Variants in AKT3 observed in about 807,000 individuals in gnomAD.
AKT3 encodes the protein RAC-gamma serine/threonine-protein kinase.
A neutral mutation model predicts 65.3 loss-of-function variants in AKT3; 15 were observed. The observed-to-expected ratio is 0.23, with a 90% CI of 0.15 to 0.35. AKT3 has a LOEUF of 0.35. AKT3 is among the 10% of genes least tolerant of loss of function. AKT3 has a pLI of 1.00. For missense variants in AKT3, 243 were observed against 576.5 expected (o/e 0.42, Z 5.92); for synonymous variants, 206 against 183.8 (o/e 1.12, Z -0.98).
chr1:243,697,993 G>A (rs75006019), intron 2 of AKT3, among the ~76,000 whole-genome samples: 1,901 of 151,934 alleles, frequency 0.013, 42 homozygotes, highest in African/African-American at 0.044. Context: ...AAAAAGTGAT[G>A]CTCTTCACTT....
At chr1:243,785,611 A>G (rs1292794085) in intron 2 of AKT3, among the ~76,000 whole-genome samples, 2 of 152,146 alleles carry the variant, frequency 1.3e-5, no homozygotes, top group Non-Finnish European at 2.9e-5. Context: ...AAACTTGCAA[A>G]AAGTCAATCT....
chr1:243,618,853 T>C (rs1678532371), intron 6 of AKT3, among the ~76,000 whole-genome samples: 5 of 151,180 alleles, frequency 3.3e-5, no homozygotes, highest in Admixed American at 2.7e-4. Flanking sequence ...ATTAGGTTAT[T>C]TGAGGGAATG....
Position 243,563,813 on chromosome 1 carries a change from T to A in AKT3, c.855A>T (p.Ile285=). The change falls in exon 10 of 14, where the codon ATA becomes ATT. Residue 285 remains isoleucine (I), a synonymous_variant. Transcript: ENST00000673466. ...ENLMLDKDGH[I]KITDFGLCKE... is the part of the protein sequence containing the mutation. ...TGCAAAGTCCAAAATCTGTAATTTT[T>A]ATGTGGCCATCTTTGTCCAGCATTA... The A allele has an allele frequency of 6.2e-7, 1 of 1,613,032 alleles. No homozygotes were observed. The highest frequency in any genetic ancestry group is 1.3e-5 in the African/African-American group (1 of 75,020).
At chr1:243,686,566 C>G (rs1394111557) in intron 3 of AKT3, among the ~76,000 whole-genome samples, 1 of 132,920 alleles carries the variant, frequency 7.5e-6, no homozygotes, top group Admixed American at 8.3e-5. Flanking sequence ...GCAAACATTA[C>G]TAAGTACCTT....
At chr1:243,734,999 T>C (rs1040577646) in intron 2 of AKT3, 2 of 152,186 alleles carry the variant, frequency 1.3e-5, no homozygotes, top group African/African-American at 2.4e-5. Context: ...CCTCCACATC[T>C]TGTCCCAGTG....
chr1:243,650,186 C>T (rs894847540), intron 4 of AKT3, among the ~76,000 whole-genome samples: 121 of 152,214 alleles, frequency 7.9e-4, no homozygotes, highest in Non-Finnish European at 1.4e-3. Flanking sequence ...TTTTTTCATA[C>T]ATTTGTTGGC....
At chr1:243,587,070 T>C (rs1411946267) in intron 8 of AKT3, among the ~76,000 whole-genome samples, 1 of 152,096 alleles carries the variant, frequency 6.6e-6, no homozygotes, top group African/African-American at 2.4e-5. Context: ...CTGAGAGGGC[T>C]ACAAATTATT....
chr1:243,771,197 T>C (rs1459278962), intron 2 of AKT3, among the ~76,000 whole-genome samples: 4 of 152,048 alleles, frequency 2.6e-5, no homozygotes, highest in African/African-American at 4.8e-5. Flanking sequence ...TTTCCCAGAG[T>C]CCCTCAAATG....
At chr1:243,667,056 A>G (rs1246267781) in intron 3 of AKT3, among the ~76,000 whole-genome samples, 1 of 152,164 alleles carries the variant, frequency 6.6e-6, no homozygotes, top group Non-Finnish European at 1.5e-5. Flanking sequence ...CTACCCCAGG[A>G]AAAGACAAAA....
At chr1:243,608,163 A>G (rs1321245326) in intron 8 of AKT3, among the ~76,000 whole-genome samples, 1 of 152,184 alleles carries the variant, frequency 6.6e-6, no homozygotes, top group Non-Finnish European at 1.5e-5. Context: ...CACCTGGGCT[A>G]TATGGTATAG....
chr1:243,611,861 C>T (rs577572091), intron 8 of AKT3, among the ~76,000 whole-genome samples: 1 of 152,190 alleles, frequency 6.6e-6, no homozygotes, highest in African/African-American at 2.4e-5. Flanking sequence ...GAAACAACTT[C>T]TTACATCAAT....
intron 2 of AKT3, among the ~76,000 whole-genome samples, chr1:243,744,948 T>C (rs921081607): frequency 2.0e-5 from 3 of 152,110 alleles, no homozygotes; most frequent in African/African-American, 7.2e-5. Context: ...AAAATTGTTT[T>C]AATTTCTCAA....
At chr1:243,804,153 C>T (rs184549629) in intron 2 of AKT3, among the ~76,000 whole-genome samples, 1 of 152,254 alleles carries the variant, frequency 6.6e-6, no homozygotes, top group Admixed American at 6.5e-5. Context: ...TAATTTTTTG[C>T]TTGACTGCTT....
At position 243,779,434 on chromosome 1, in the gene AKT3, AG is replaced by A. The variant is rs150800978; in HGVS notation, c.46+63690del. On this transcript the variant is annotated intron_variant, in intron 2 of 13. Coordinates refer to ENST00000673466, the MANE Select transcript of AKT3 (RefSeq NM_005465.7). Reference sequence around the variant, plus strand: ...ACTCTACCCTTTAAAAATCTCATCCAGGAAGAATTCAAAAGAAGAATGAGAA... The same window carrying A: ...ACTCTACCCTTTAAAAATCTCATCCAGAAGAATTCAAAAGAAGAATGAGAA... 5.1e-3 allele frequency among the ~76,000 whole-genome samples: 774 copies of A among 152,258 alleles called. 8 individuals are homozygous for A. The highest frequency in any genetic ancestry group is 0.018 in the African/African-American group (734 of 41,548).
intron 12 of AKT3, among the ~76,000 whole-genome samples, chr1:243,515,306 T>C (rs926606922): frequency 5.9e-5 from 9 of 152,076 alleles, no homozygotes; most frequent in Middle Eastern, 3.4e-3. Flanking sequence ...GGACAAATAC[T>C]AAGGAGTGGA....
At chr1:243,686,295 G>A (rs1684286336) in intron 3 of AKT3, among the ~76,000 whole-genome samples, 1 of 151,916 alleles carries the variant, frequency 6.6e-6, no homozygotes, top group African/African-American at 2.4e-5. Flanking sequence ...CCAGAAGGAG[G>A]CCATAAGCAG....
intron 11 of AKT3, among the ~76,000 whole-genome samples, chr1:243,547,530 G>A (rs1438051537): frequency 6.6e-6 from 1 of 152,130 alleles, no homozygotes; most frequent in East Asian, 1.9e-4. Context: ...TAAACTTAAT[G>A]ATGGGTTATG....
At chr1:243,520,616 A>G (rs1429765560) in intron 12 of AKT3, among the ~76,000 whole-genome samples, 1 of 152,236 alleles carries the variant, frequency 6.6e-6, no homozygotes, top group Admixed American at 6.5e-5. Context: ...ATGAACAGCT[A>G]TAGTGTCATT....
At chr1:243,601,412 T>C (rs1371701106) in intron 8 of AKT3, among the ~76,000 whole-genome samples, 1 of 152,116 alleles carries the variant, frequency 6.6e-6, no homozygotes, top group African/African-American at 2.4e-5. Context: ...TCCACCAGAA[T>C]GAGTAAAATT....
Sources: allele counts gnomAD v4.1 joint callset (sites outside exome capture counted in the v4.1 genomes callset), GRCh38; gene constraint gnomAD v4.1.1; transcripts MANE v1.5; gene names NCBI Gene and HGNC (gene_info 2026-07-23, HGNC 2026-07-21).